Variants in PRKN observed in about 807,000 individuals in gnomAD.
The protein encoded by PRKN is parkin RBR E3 ubiquitin protein ligase.
In PRKN, 56 loss-of-function variants were observed where a neutral mutation model predicts 59.5. The ratio of observed to expected loss-of-function variants is 0.94; its 90% CI spans 0.76 to 1.18. PRKN has a LOEUF of 1.18. Among genes scored for constraint, PRKN ranks in the 50% most tolerant of loss-of-function variants. PRKN has a pLI of 0.00. For missense variants in PRKN, 657 were observed against 596.4 expected, an observed-to-expected ratio of 1.10 and a Z score of -1.06; for synonymous variants, 250 against 222.1, an observed-to-expected ratio of 1.13 and a Z score of -1.12.
intron 1 of PRKN, among the ~76,000 whole-genome samples, chr6:162,489,519 A>G (rs1792708140): frequency 6.6e-6 from 1 of 152,230 alleles, no homozygotes; most frequent in Non-Finnish European, 1.5e-5. Flanking sequence ...AAAGTTCATC[A>G]TGGCTGATGA....
At chr6:161,873,529 C>T (rs928854525) in intron 6 of PRKN, among the ~76,000 whole-genome samples, 5 of 151,868 alleles carry the variant, frequency 3.3e-5, no homozygotes, top group Admixed American at 6.6e-5. Flanking sequence ...TAGCATCCAC[C>T]GCGCATCAGA....
intron 5 of PRKN, among the ~76,000 whole-genome samples, chr6:162,032,390 T>G (rs1230135230): frequency 6.6e-6 from 1 of 152,184 alleles, no homozygotes; most frequent in Non-Finnish European, 1.5e-5. Context: ...AGAAAAGGAA[T>G]TCTAAGGCAG....
chr6:162,267,607 T>C (rs1583290907), intron 2 of PRKN, among the ~76,000 whole-genome samples: 3 of 152,148 alleles, frequency 2.0e-5, no homozygotes, highest in African/African-American at 7.2e-5. Flanking sequence ...TTTATAACAA[T>C]ATATTAATCC....
At chr6:161,969,279 T>TTTTTTTTTTTTTTTTTTA in intron 6 of PRKN, among the ~76,000 whole-genome samples, 1 of 151,730 alleles carries the variant, frequency 6.6e-6, no homozygotes, top group Non-Finnish European at 1.5e-5. Flanking sequence ...TTTTTTTTTT[T>TTTTTTTTTTTTTTTTTTA]TTTTTTTAAC....
chr6:162,356,072 C>T (rs955562402), intron 2 of PRKN, among the ~76,000 whole-genome samples: 1 of 152,080 alleles, frequency 6.6e-6, no homozygotes, highest in Non-Finnish European at 1.5e-5. Flanking sequence ...ACTGTGGGCA[C>T]TTTACACCTG....
intron 2 of PRKN, among the ~76,000 whole-genome samples, chr6:162,440,006 T>C (rs1034745475): frequency 2.0e-5 from 3 of 152,114 alleles, no homozygotes; most frequent in Non-Finnish European, 2.9e-5. Context: ...CTGTACAATA[T>C]GCAATGTCTA....
chr6:162,673,456 G>A (rs889492821), intron 1 of PRKN, among the ~76,000 whole-genome samples: 5 of 152,150 alleles, frequency 3.3e-5, no homozygotes, highest in African/African-American at 1.2e-4. Context: ...CAGGATCTTG[G>A]CTCACTGCAA....
chr6:161,673,168 C>T (rs1280119956), intron 7 of PRKN, among the ~76,000 whole-genome samples: 1 of 152,172 alleles, frequency 6.6e-6, no homozygotes, highest in African/African-American at 2.4e-5. Context: ...GGGAGATGGT[C>T]TCCACCCTCA....
intron 2 of PRKN, among the ~76,000 whole-genome samples, chr6:162,344,001 A>C (rs1421139667): frequency 1.3e-5 from 2 of 152,194 alleles, no homozygotes; most frequent in African/African-American, 2.4e-5. Context: ...CCTTTACCAC[A>C]GTGATGACAG....
chr6:161,826,983 C>T lies in PRKN; in HGVS notation c.735-41075G>A, dbSNP rs12154085. 2.5e-3 allele frequency among the ~76,000 whole-genome samples: 380 copies of T among 152,296 alleles called. 2 individuals carry two copies. The highest frequency in any genetic ancestry group is 4.6e-3 in the Admixed American group (70 of 15,296). On this transcript the variant is annotated intron_variant, in intron 6 of 11. Transcript: ENST00000366898. ...ACACAGCACCACGTCCAAGTGTACACCTCATACCTGCTCTTCACAATGGGG... is the reference window on the plus strand; with the variant it reads ...ACACAGCACCACGTCCAAGTGTACATCTCATACCTGCTCTTCACAATGGGG...
chr6:162,325,195 T>G (rs1783213538), intron 2 of PRKN, among the ~76,000 whole-genome samples: 1 of 152,120 alleles, frequency 6.6e-6, no homozygotes, highest in Admixed American at 6.6e-5. Context: ...ATTTAAGCTC[T>G]TTGAATGTAA....
intron 7 of PRKN, among the ~76,000 whole-genome samples, chr6:161,633,492 T>G (rs1038582664): frequency 2.6e-5 from 4 of 152,178 alleles, no homozygotes; most frequent in Non-Finnish European, 5.9e-5. Context: ...ATCAAACAAA[T>G]TAACATTATT....
At chr6:162,079,192 G>A (rs888996045) in intron 4 of PRKN, among the ~76,000 whole-genome samples, 3 of 152,236 alleles carry the variant, frequency 2.0e-5, no homozygotes, top group Admixed American at 6.5e-5. Flanking sequence ...TCAAGTGGAA[G>A]GTGTAGCGGA....
chr6:162,648,383 TC>T (rs1341212203), intron 1 of PRKN, among the ~76,000 whole-genome samples: 103 of 51,972 alleles, frequency 2.0e-3, no homozygotes, highest in Non-Finnish European at 2.7e-3. Flanking sequence ...TGGTGTTCTT[TC>T]TTTTTTTATT....
intron 4 of PRKN, among the ~76,000 whole-genome samples, chr6:162,129,223 T>C (rs1234290280): frequency 6.6e-6 from 1 of 152,194 alleles, no homozygotes; most frequent in Non-Finnish European, 1.5e-5. Flanking sequence ...ATACCTTAGG[T>C]TTCTTAAATG....
chr6:162,680,607 A>G (rs1779735235), intron 1 of PRKN, among the ~76,000 whole-genome samples: 1 of 152,122 alleles, frequency 6.6e-6, no homozygotes, highest in Non-Finnish European at 1.5e-5. Flanking sequence ...GCTTATTTCA[A>G]TAAACTCACT....
At chr6:162,314,606 C>T (rs951154524) in intron 2 of PRKN, among the ~76,000 whole-genome samples, 3 of 152,148 alleles carry the variant, frequency 2.0e-5, no homozygotes, top group African/African-American at 7.2e-5. Context: ...AGGCAACTTA[C>T]TCCCCTGACT....
At chr6:162,197,318 C>T (rs1460071069) in intron 4 of PRKN, among the ~76,000 whole-genome samples, 1 of 152,124 alleles carries the variant, frequency 6.6e-6, no homozygotes, top group Non-Finnish European at 1.5e-5. Context: ...GTAGGTGTTA[C>T]TGAATGTGTA....
intron 5 of PRKN, among the ~76,000 whole-genome samples, chr6:162,017,326 T>C (rs1782967711): frequency 6.6e-6 from 1 of 152,170 alleles, no homozygotes; most frequent in Non-Finnish European, 1.5e-5. Context: ...TACATGCATG[T>C]ACATGTTACA....
Sources: gnomAD v4.1 joint callset for allele counts (sites outside exome capture counted in the v4.1 genomes callset) on GRCh38, gnomAD v4.1.1 for gene constraint, MANE v1.5 for transcripts, NCBI Gene and HGNC (gene_info 2026-07-23, HGNC 2026-07-21) for gene names.